LPP: variants seen among roughly 807,000 people sequenced by gnomAD.
LPP encodes lipoma-preferred partner.
In LPP, 38 loss-of-function variants were observed where a neutral mutation model predicts 60.4. The ratio of observed to expected loss-of-function variants is 0.63; its 90% CI spans 0.49 to 0.83. The LOEUF is 0.83. Ranked by LOEUF, LPP falls within the 40% of genes least tolerant of loss-of-function variation. The pLI is 0.00. For missense variants in LPP, 902 were observed against 783.6 expected (o/e 1.15, Z -1.80); for synonymous variants, 328 against 290.8 (o/e 1.13, Z -1.30).
chr3:188,858,637 G>A (rs1005933856), intron 9 of LPP, among the ~76,000 whole-genome samples: 5 of 152,066 alleles, frequency 3.3e-5, no homozygotes, highest in African/African-American at 9.7e-5. Context: ...TGATCTTTTT[G>A]TTCTTTCTGT....
chr3:188,555,319 T>A lies in LPP; in HGVS notation c.429+30532T>A, dbSNP rs1829220946. ...TAGGACCTCTTATTCTTAGTTTAAG[T>A]GAGATGGAGAGCATTTGGAGTCACA... On this transcript the variant is annotated intron_variant, in intron 6 of 11. Transcript: ENST00000617246. Among the ~76,000 whole-genome samples the A allele has an allele frequency of 5.3e-5, 8 of 151,968 alleles. 1 individual carries two copies.
chr3:188,632,727 C>T (rs573073669), intron 7 of LPP, among the ~76,000 whole-genome samples: 39 of 152,190 alleles, frequency 2.6e-4, no homozygotes, highest in Non-Finnish European at 5.0e-4. Context: ...TAAGACTCTA[C>T]GTTTCAATAC....
intron 7 of LPP, among the ~76,000 whole-genome samples, chr3:188,705,634 T>G (rs1865338472): frequency 6.6e-6 from 1 of 151,950 alleles, no homozygotes; most frequent in Admixed American, 6.6e-5. Context: ...TTTTTTTGTG[T>G]GGGGGGAAAA....
At chr3:188,276,691 C>CTT (rs1553847409) in intron 2 of LPP, among the ~76,000 whole-genome samples, 3 of 14,856 alleles carry the variant, frequency 2.0e-4, no homozygotes, top group African/African-American at 2.6e-3. Context: ...CTCTCTCTCT[C>CTT]TCTTTCTCTC....
At chr3:188,274,521 C>G (rs1249643553) in intron 2 of LPP, among the ~76,000 whole-genome samples, 2 of 152,136 alleles carry the variant, frequency 1.3e-5, no homozygotes, top group African/African-American at 4.8e-5. Flanking sequence ...TCTCTTGGTG[C>G]CTTTATCAAC....
intron 1 of LPP, among the ~76,000 whole-genome samples, chr3:188,216,269 CTT>C (rs1344421527): frequency 1.2e-3 from 169 of 143,330 alleles, no homozygotes; most frequent in African/African-American, 4.2e-3. Context: ...TCTTCTTCTT[CTT>C]CCTTTTTTTT....
intron 9 of LPP, among the ~76,000 whole-genome samples, chr3:188,831,775 T>G (rs189327963): frequency 1.3e-5 from 2 of 152,326 alleles, no homozygotes; most frequent in East Asian, 3.9e-4. Context: ...TTTCTGACTT[T>G]CAATCAGCTC....
chr3:188,559,553 A>G (rs1830213235), intron 6 of LPP, among the ~76,000 whole-genome samples: 1 of 152,076 alleles, frequency 6.6e-6, no homozygotes, highest in Non-Finnish European at 1.5e-5. Flanking sequence ...AAGGAAAACA[A>G]TTAAAAATGT....
chr3:188,520,404 C>T (rs756300563), intron 5 of LPP, among the ~76,000 whole-genome samples: 3 of 152,186 alleles, frequency 2.0e-5, no homozygotes, highest in African/African-American at 4.8e-5. Flanking sequence ...TGTGCCGGGC[C>T]TTCTCTGCAA....
chr3:188,209,806 T>C (rs1489119817), intron 1 of LPP, among the ~76,000 whole-genome samples: 1 of 152,156 alleles, frequency 6.6e-6, no homozygotes, highest in African/African-American at 2.4e-5. Flanking sequence ...GATGGGTGTT[T>C]AGTAGGGTAT....
chr3:188,371,909 T>C (rs1464503490), intron 3 of LPP, among the ~76,000 whole-genome samples: 2 of 151,370 alleles, frequency 1.3e-5, no homozygotes, highest in African/African-American at 4.8e-5. Flanking sequence ...CCGCCCGTCT[T>C]GGCTTCCCAA....
In LPP at chr3:188,484,684, G is replaced by A; in HGVS notation, c.286G>A (p.Glu96Lys). 1 of 1,610,904 alleles carries A rather than the reference G, an allele frequency of 6.2e-7. No individual in the cohort carries two copies. Among genetic ancestry groups the A allele is most frequent in the Non-Finnish European group, 8.5e-7 (1 of 1,177,202 alleles). Residue 96 changes from glutamate to lysine, a missense_variant, in exon 5 of 12, where the codon GAA becomes AAA. Coordinates refer to ENST00000617246, the MANE Select transcript of LPP (RefSeq NM_001375462.1). ...CTTTCCTCCTCCACCACCTCTTGATGAAGAGGCTTTCAAAGTACAGGTAAG... is the reference window on the plus strand; with the variant it reads ...CTTTCCTCCTCCACCACCTCTTGATAAAGAGGCTTTCAAAGTACAGGTAAG... ...GNFPPPPPLDEEAFKVQGNPG... is the reference protein window; with the variant it reads ...GNFPPPPPLDKEAFKVQGNPG...
chr3:188,426,635 C>T (rs937540937), intron 4 of LPP, among the ~76,000 whole-genome samples: 3 of 152,028 alleles, frequency 2.0e-5, no homozygotes, highest in Admixed American at 6.6e-5. Context: ...TCTGGGTGCT[C>T]CTGTATTGGG....
intron 7 of LPP, among the ~76,000 whole-genome samples, chr3:188,634,126 T>C (rs1848307068): frequency 6.6e-6 from 1 of 152,232 alleles, no homozygotes; most frequent in Admixed American, 6.5e-5. Flanking sequence ...GCACTTAGTG[T>C]CTCAGATTCT....
chr3:188,864,650 G>A (rs1560311412), intron 9 of LPP, among the ~76,000 whole-genome samples: 1 of 152,206 alleles, frequency 6.6e-6, no homozygotes, highest in Admixed American at 6.5e-5. Flanking sequence ...AGGTCAAAAT[G>A]GCAAATTGCG....
At chr3:188,574,605 C>G (rs1205632141) in intron 6 of LPP, among the ~76,000 whole-genome samples, 1 of 152,134 alleles carries the variant, frequency 6.6e-6, no homozygotes, top group Non-Finnish European at 1.5e-5. Flanking sequence ...TTCTTGCTCT[C>G]AAACTTTGTT....
intron 3 of LPP, among the ~76,000 whole-genome samples, chr3:188,382,471 A>G (rs772677392): frequency 1.3e-5 from 2 of 152,210 alleles, no homozygotes; most frequent in African/African-American, 2.4e-5. Flanking sequence ...ATTGGTGGTC[A>G]CTTTTTAACT....
chr3:188,524,897 GTCCTTCCTTCCTTCCTTCCT>G lies in LPP; in HGVS notation c.429+143_429+162del, dbSNP rs35581046. 109 of 237,072 alleles carry G rather than the reference GTCCTTCCTTCCTTCCTTCCT, an allele frequency of 4.6e-4. No individual in the cohort carries two copies. In the East Asian group the frequency reaches 4.7e-3, roughly 10 times the overall value. 14.7% of individuals were successfully genotyped at this position (237,072 alleles called of 1,614,324 possible). On this transcript the variant is annotated intron_variant, in intron 6 of 11. Transcript: ENST00000617246. ...TATTTCCCCTTCCTTCCTTCCGTCCGTCCTTCCTTCCTTCCTTCCTTCCTTCCTTCCTTCCTTCCTTCCTT... is the reference window on the plus strand; with the variant it reads ...TATTTCCCCTTCCTTCCTTCCGTCCGTCCTTCCTTCCTTCCTTCCTTCCTT...
intron 7 of LPP, among the ~76,000 whole-genome samples, chr3:188,661,178 T>C (rs1854499869): frequency 1.3e-5 from 2 of 152,214 alleles, no homozygotes; most frequent in South Asian, 2.1e-4. Context: ...AACTCATTTC[T>C]TTCTAATGCT....
Sources: gnomAD v4.1 joint callset for allele counts (sites outside exome capture counted in the v4.1 genomes callset) on GRCh38, gnomAD v4.1.1 for gene constraint, MANE v1.5 for transcripts, NCBI Gene and HGNC (gene_info 2026-07-23, HGNC 2026-07-21) for gene names.